The following DEFB123 variants were observed in gnomAD, a reference collection of about 807,000 sequenced individuals.
DEFB123 encodes defensin beta 123.
For missense variants in DEFB123, 71 were observed against 75.0 expected, an observed-to-expected ratio of 0.95 and a Z score of 0.20; for synonymous variants, 22 against 28.3, an observed-to-expected ratio of 0.78 and a Z score of 0.71.
intron 1 of DEFB123, 140 bp from the exon 2 acceptor site, chr20:31,449,889 A>G: frequency 9.2e-7 from 1 of 1,082,894 alleles, no homozygotes; most frequent in Non-Finnish European, 1.3e-6. Flanking sequence ...AAGGAAAAAC[A>G]GTGATAGATG....
chr20:31,448,322 C>T (rs1979644087), intron 1 of DEFB123, among the ~76,000 whole-genome samples: 1 of 151,898 alleles, frequency 6.6e-6, no homozygotes, highest in African/African-American at 2.4e-5. Flanking sequence ...TTATTATGTG[C>T]CTTTGCATGC....
intron 1 of DEFB123, among the ~76,000 whole-genome samples, chr20:31,441,523 G>A (rs577941024): frequency 1.3e-5 from 2 of 152,062 alleles, no homozygotes; most frequent in Non-Finnish European, 2.9e-5. Flanking sequence ...GTAAAGCTGA[G>A]GAAGCATTCA....
chr20:31,448,353 G>A (rs1979644918), intron 1 of DEFB123, among the ~76,000 whole-genome samples: 1 of 151,890 alleles, frequency 6.6e-6, no homozygotes, highest in Non-Finnish European at 1.5e-5. Flanking sequence ...GTTTTATTCA[G>A]CTTGTAGTTC....
chr20:31,450,216 CCAGTGGATTCCCACACTCT>C lies in DEFB123; in HGVS notation c.*43_*61del. On this transcript the variant is annotated 3_prime_UTR_variant, in exon 2 of 2. Coordinates refer to ENST00000376309, the MANE Select transcript of DEFB123 (RefSeq NM_153324.4). ...AGCCATGAAAATGCAGATGAAGCTC[CCAGTGGATTCCCACACTCT>C]ATCAATAAACACCTCTGGCTGATCC... 2 of 1,570,366 alleles carry C rather than the reference CCAGTGGATTCCCACACTCT, an allele frequency of 1.3e-6. No homozygotes were observed. Among genetic ancestry groups the C allele is most frequent in the Non-Finnish European group, 1.7e-6 (2 of 1,162,348 alleles).
chr20:31,446,946 C>CA (rs61153733), intron 1 of DEFB123, among the ~76,000 whole-genome samples: 29,570 of 119,318 alleles, frequency 0.25, 3,869 homozygotes, highest in African/African-American at 0.4. Context: ...GACTCCATCT[C>CA]AAAAAAAAAA....
chr20:31,449,144 T>C (rs990393302), intron 1 of DEFB123, among the ~76,000 whole-genome samples: 1 of 152,164 alleles, frequency 6.6e-6, no homozygotes, highest in Non-Finnish European at 1.5e-5. Context: ...GCTAGTTTCA[T>C]CATCATTGTC....
In DEFB123 at chr20:31,440,829, A is replaced by C. The variant is rs1016705032; in HGVS notation, c.58+73A>C. On this transcript the variant is annotated intron_variant, in intron 1 of 1. Transcript: ENST00000376309. ...CTGGTCAGAGAATCCCAAGGGCTAG[A>C]AGGATGGGCTGCAGGTTGTCATCTA... is the stretch of plus-strand genomic sequence containing the variant. 32 of 1,578,176 alleles carry C rather than the reference A, an allele frequency of 2.0e-5. No individual in the cohort carries two copies. The Middle Eastern group carries it at 6.7e-4, about 33-fold the overall frequency.
intron 1 of DEFB123, among the ~76,000 whole-genome samples, chr20:31,449,486 C>A (rs895146366): frequency 1.6e-4 from 25 of 152,150 alleles, no homozygotes; most frequent in Admixed American, 1.1e-3. Context: ...GAAACACAAG[C>A]TATTCCCAGA....
chr20:31,449,545 G>T (rs1437961338), intron 1 of DEFB123, among the ~76,000 whole-genome samples: 1 of 151,940 alleles, frequency 6.6e-6, no homozygotes, highest in Non-Finnish European at 1.5e-5. Context: ...TTGGTGTTTG[G>T]TATTTTTCTC....
intron 1 of DEFB123, among the ~76,000 whole-genome samples, chr20:31,447,191 G>A (rs1030402461): frequency 7.2e-5 from 11 of 151,982 alleles, no homozygotes; most frequent in African/African-American, 1.9e-4. Flanking sequence ...GAACCCGGGC[G>A]GTGGAGGTTG....
At chr20:31,449,881 G>A in intron 1 of DEFB123, 148 bp from the exon 2 acceptor site, 2 of 1,024,462 alleles carry the variant, frequency 2.0e-6, no homozygotes, top group Non-Finnish European at 2.7e-6. Flanking sequence ...ACAGAGTAAA[G>A]GAAAAACAGT....
chr20:31,443,894 C>T (rs1042726257), intron 1 of DEFB123, among the ~76,000 whole-genome samples: 8 of 152,180 alleles, frequency 5.3e-5, no homozygotes, highest in Admixed American at 2.6e-4. Context: ...CCTTAGCCTC[C>T]TATAGCTTAT....
chr20:31,448,218 T>C (rs1047894770), intron 1 of DEFB123, among the ~76,000 whole-genome samples: 2 of 152,128 alleles, frequency 1.3e-5, no homozygotes, highest in Non-Finnish European at 2.9e-5. Context: ...CCCAGCCTCT[T>C]CCAGTATTTT....
intron 1 of DEFB123, among the ~76,000 whole-genome samples, chr20:31,443,299 C>T (rs939650671): frequency 6.6e-6 from 1 of 152,184 alleles, no homozygotes; most frequent in African/African-American, 2.4e-5. Context: ...TGGCAGGTCC[C>T]TCACTGGTTT....
chr20:31,443,273 A>G (rs999469085), intron 1 of DEFB123, among the ~76,000 whole-genome samples: 1 of 152,134 alleles, frequency 6.6e-6, no homozygotes, highest in Admixed American at 6.5e-5. Flanking sequence ...TGCCTTCTGC[A>G]CTAGGGGTGT....
intron 1 of DEFB123, among the ~76,000 whole-genome samples, chr20:31,441,105 A>G (rs1388668690): frequency 6.6e-6 from 1 of 152,238 alleles, no homozygotes; most frequent in Non-Finnish European, 1.5e-5. Flanking sequence ...CTTTGTGAAG[A>G]TCACAGCTAC....
At chr20:31,442,416 T>C (rs1397280711) in intron 1 of DEFB123, among the ~76,000 whole-genome samples, 2 of 151,966 alleles carry the variant, frequency 1.3e-5, no homozygotes, top group Non-Finnish European at 2.9e-5. Flanking sequence ...GTGCTAGAGG[T>C]AGAACTGGGA....
chr20:31,447,491 A>G (rs539606934), intron 1 of DEFB123, among the ~76,000 whole-genome samples: 46 of 142,904 alleles, frequency 3.2e-4, no homozygotes, highest in Admixed American at 6.2e-4. Context: ...GAAAAAGTCT[A>G]TTTCTCCACT....
chr20:31,445,862 T>C (rs1205037990), intron 1 of DEFB123, among the ~76,000 whole-genome samples: 4 of 152,240 alleles, frequency 2.6e-5, no homozygotes, highest in Non-Finnish European at 5.9e-5. Flanking sequence ...TTTTGTATCA[T>C]TAAAAATGCA....
Sources: allele counts gnomAD v4.1 joint callset (sites outside exome capture counted in the v4.1 genomes callset), GRCh38; gene constraint gnomAD v4.1.1; transcripts MANE v1.5; gene names NCBI Gene and HGNC (gene_info 2026-07-23, HGNC 2026-07-21).